The following ZSWIM4 variants were observed in gnomAD, a reference collection of about 807,000 sequenced individuals.
ZSWIM4 encodes zinc finger SWIM domain-containing protein 4.
Under a neutral mutation model 102.5 loss-of-function variants are expected in ZSWIM4, and 62 were observed. That is an observed-to-expected ratio of 0.60 (90% CI 0.49 to 0.75). ZSWIM4 has a LOEUF of 0.75. ZSWIM4 is among the 30% of genes least tolerant of loss of function. The probability of loss-of-function intolerance (pLI) is 0.00; values close to 1 mark genes in which losing one functional copy is unlikely to be tolerated. For missense variants in ZSWIM4, 1,280 were observed against 1,529.6 expected, an observed-to-expected ratio of 0.84 and a Z score of 2.72; for synonymous variants, 652 against 674.5, an observed-to-expected ratio of 0.97 and a Z score of 0.52.
chr19:13,807,370 G>A (rs1034172487), intron 3 of ZSWIM4, among the ~76,000 whole-genome samples: 2 of 152,014 alleles, frequency 1.3e-5, no homozygotes, highest in Non-Finnish European at 2.9e-5. Flanking sequence ...GGTGGGGGTG[G>A]ATAAGTGGGT....
chr19:13,808,740 CA>C (rs755959483), intron 3 of ZSWIM4, 95 bp from the exon 4 acceptor site: 165,604 of 824,590 alleles, frequency 0.2, 822 homozygotes, highest in African/African-American at 0.28. Context: ...ACTCCGTCTC[CA>C]AAAAAAAAAA....
At position 13,809,947 on chromosome 19, in the gene ZSWIM4, G is replaced by A. The variant is rs955531578; in HGVS notation, c.1012+727G>A. The stretch of plus-strand genomic sequence containing the variant: ...GCTGGGATGACAGGCATGAGCCACT[G>A]TACCAAGCTGACATATTTTTGTTTG... On this transcript the variant is annotated intron_variant, in intron 5 of 13. Transcript: ENST00000590508. This position sits in a 1 kb window ranked among gnomAD's most constrained non-coding sequence, Gnocchi z 4.2. Among the ~76,000 whole-genome samples the A allele has an allele frequency of 6.6e-6, 1 of 151,504 alleles. No individual in the cohort carries two copies. Among genetic ancestry groups the A allele is most frequent in the Non-Finnish European group, 1.5e-5 (1 of 67,862 alleles).
chr19:13,799,729 CG>C lies in ZSWIM4; in HGVS notation c.165del (p.Phe56SerfsTer67). ...CTGGCCCTTCCTACAGGTGGAGGAG[CG>C]GTTCTCCCGGGTGCCTGAGCCCGTC... ...ESWAFEQVEE[R>X]FSRVPEPVQK... On this transcript the variant is annotated frameshift_variant, in exon 2 of 14. Transcript: ENST00000590508. LOFTEE classifies it high-confidence loss of function. 1 of 1,613,966 alleles carries C rather than the reference CG, an allele frequency of 6.2e-7. No individual in the cohort carries two copies. The highest frequency in any genetic ancestry group is 8.5e-7 in the Non-Finnish European group (1 of 1,179,970).
chr19:13,808,352 T>C (rs768137955), intron 3 of ZSWIM4, among the ~76,000 whole-genome samples: 1 of 151,622 alleles, frequency 6.6e-6, no homozygotes, highest in Non-Finnish European at 1.5e-5. Context: ...TAAACATGAA[T>C]AGATGGTCGG....
intron 3 of ZSWIM4, among the ~76,000 whole-genome samples, chr19:13,807,754 C>CATGG (rs368459784): frequency 0.19 from 25,733 of 139,094 alleles, 2,335 homozygotes; most frequent in Non-Finnish European, 0.21. Context: ...TGGATGGATG[C>CATGG]ATGGATGGAT....
chr19:13,797,955 A>T (rs1170039072), intron 1 of ZSWIM4, among the ~76,000 whole-genome samples: 1 of 152,122 alleles, frequency 6.6e-6, no homozygotes, highest in Non-Finnish European at 1.5e-5. Context: ...CCGCACCCGG[A>T]CGTATCTTAT....
intron 13 of ZSWIM4, among the ~76,000 whole-genome samples, chr19:13,829,735 G>A (rs1975705558): frequency 6.6e-6 from 1 of 151,972 alleles, no homozygotes. Context: ...TGAGGCAGGA[G>A]AATGGCGTGA....
chr19:13,830,660 C>G lies in ZSWIM4; in HGVS notation c.2931C>G (p.His977Gln). 6.2e-7 allele frequency: 1 copy of G among 1,603,054 alleles called. No individual in the cohort carries two copies. Among genetic ancestry groups the G allele is most frequent in the Non-Finnish European group, 8.5e-7 (1 of 1,179,680 alleles). ...ACSLSHSLGRHELSAIVPLII... is the reference protein window; with the variant it reads ...ACSLSHSLGRQELSAIVPLII... ...CTCTCAGCCACTCCCTGGGCCGGCA[C>G]GAGCTCTCTGCCATCGTCCCCCTCA... The change falls in exon 14 of 14, where the codon CAC (histidine) becomes CAG (glutamine). Residue 977 changes from histidine (H) to glutamine (Q), a missense_variant. Physicochemically the swap from His to Gln is conservative, Grantham distance 24 (BLOSUM62 0). Coordinates refer to ENST00000590508, the MANE Select transcript of ZSWIM4 (RefSeq NM_001367834.3).
intron 2 of ZSWIM4, among the ~76,000 whole-genome samples, chr19:13,802,305 G>A (rs1337579149): frequency 3.4e-5 from 5 of 148,654 alleles, no homozygotes; most frequent in African/African-American, 1.3e-4. Flanking sequence ...ATAGAGTCTC[G>A]GCCGGGCACA....
intron 2 of ZSWIM4, among the ~76,000 whole-genome samples, chr19:13,802,337 A>G (rs1208674367): frequency 1.3e-5 from 2 of 148,652 alleles, no homozygotes; most frequent in African/African-American, 2.5e-5. Context: ...CTGTAATCCC[A>G]GCACTTTGGG....
chr19:13,803,548 G>A (rs1022144097), intron 2 of ZSWIM4, among the ~76,000 whole-genome samples: 6 of 151,366 alleles, frequency 4.0e-5, no homozygotes, highest in African/African-American at 7.3e-5. Flanking sequence ...TTGGGAGGCC[G>A]AGGCGGGTGG....
At chr19:13,811,648 A>T (rs1383869664) in intron 5 of ZSWIM4, among the ~76,000 whole-genome samples, 1 of 152,140 alleles carries the variant, frequency 6.6e-6, no homozygotes, top group Non-Finnish European at 1.5e-5. Context: ...AGCTTAGACG[A>T]CATGATGAGA....
chr19:13,806,482 A>G (rs913192623), intron 3 of ZSWIM4, among the ~76,000 whole-genome samples: 7 of 152,004 alleles, frequency 4.6e-5, no homozygotes, highest in Admixed American at 2.0e-4. Flanking sequence ...GCCTGGGCAA[A>G]ATAGGGAGAC....
At chr19:13,829,693 T>C (rs138759117) in intron 13 of ZSWIM4, among the ~76,000 whole-genome samples, 2,856 of 151,494 alleles carry the variant, frequency 0.019, 83 homozygotes, top group African/African-American at 0.065. Context: ...GGCGTGGTGG[T>C]GGGCCCCTGT....
rs1439855921 is a variant in ZSWIM4 at position 13,795,676 on chromosome 19, C to T, written c.28C>T (p.Arg10Trp). The T allele has an allele frequency of 3.0e-6, 3 of 1,005,236 alleles. No individual in the cohort carries two copies. The highest frequency in any genetic ancestry group is 3.8e-6 in the Non-Finnish European group (3 of 793,752). The allele number at this position is 1,005,236 out of a possible 1,614,324, so 62.3% of individuals were successfully genotyped here. Reference sequence around the variant, plus strand: ...GGAACCCCCCGCGGCCAAGCGGAGCCGGGGCTGCCCCGCGGGACCCGAGGA... The same window carrying T: ...GGAACCCCCCGCGGCCAAGCGGAGCTGGGGCTGCCCCGCGGGACCCGAGGA... MEPPAAKRS[R>W]GCPAGPEERD... The change falls in exon 1 of 14, where the codon CGG becomes TGG. Residue 10 changes from arginine to tryptophan, a missense_variant. Physicochemically the swap from Arg to Trp is moderately radical, Grantham distance 101. Coordinates refer to ENST00000590508, the MANE Select transcript of ZSWIM4 (RefSeq NM_001367834.3).
intron 11 of ZSWIM4, among the ~76,000 whole-genome samples, chr19:13,823,953 C>T (rs1249114521): frequency 6.6e-6 from 1 of 152,116 alleles, no homozygotes; most frequent in Non-Finnish European, 1.5e-5. Context: ...GTATGGCTAG[C>T]TCCTGGTGAG....
intron 7 of ZSWIM4, 48 bp downstream of exon 7, chr19:13,814,913 T>C (rs1258505250): frequency 2.7e-6 from 3 of 1,125,202 alleles, no homozygotes; most frequent in South Asian, 1.6e-5. Context: ...TCCCAGCACA[T>C]TGGGAGTCCG....
chr19:13,825,705 G>A lies in ZSWIM4; in HGVS notation c.2371G>A (p.Gly791Arg), dbSNP rs1353268766. Residue 791 changes from glycine to arginine, a missense_variant, in exon 12 of 14, where the codon GGG becomes AGG. By Grantham distance (125) the Gly-to-Arg change is moderately radical. Coordinates refer to ENST00000590508, the MANE Select transcript of ZSWIM4 (RefSeq NM_001367834.3). The surrounding 1 kb of genome is among the most constrained non-coding windows in gnomAD (Gnocchi z 4.6). ...TTLLGIALEL[G>R]LQVMRMTLNV... ...GCTGCTGGGCATCGCACTGGAGCTG[G>A]GGCTGCAGGTGAGGGCTGCCAGGTG... is the stretch of plus-strand genomic sequence containing the variant. 1 of 1,609,068 alleles carries A rather than the reference G, an allele frequency of 6.2e-7. No individual in the cohort carries two copies. Among genetic ancestry groups the A allele is most frequent in the Non-Finnish European group, 8.5e-7 (1 of 1,179,460 alleles).
At position 13,830,971 on chromosome 19, in the gene ZSWIM4, C is replaced by A; in HGVS notation, c.3242C>A (p.Ser1081Ter). The A allele has an allele frequency of 1.9e-6, 3 of 1,613,970 alleles. No individual in the cohort carries two copies. Among genetic ancestry groups the A allele is most frequent in the Non-Finnish European group, 2.5e-6 (3 of 1,179,978 alleles). Residue 1081 changes from serine (S) to a stop codon, truncating the protein, a stop_gained, in exon 14 of 14, where the codon TCA becomes TAA. Transcript: ENST00000590508. LOFTEE classifies it high-confidence loss of function. Reference sequence around the variant, plus strand: ...GCGCCCGACGGGCACCTCCAGTTCTCACAGTTCTTGGAGAACCTCAAACAG... The same window carrying A: ...GCGCCCGACGGGCACCTCCAGTTCTAACAGTTCTTGGAGAACCTCAAACAG... ...LLAPDGHLQF[S>*]QFLENLKQTY...
Sources: gnomAD v4.1 joint callset for allele counts (sites outside exome capture counted in the v4.1 genomes callset) on GRCh38, gnomAD v4.1.1 for gene constraint, Gnocchi (gnomAD v3.1) non-coding constraint, MANE v1.5 for transcripts, NCBI Gene and HGNC (gene_info 2026-07-23, HGNC 2026-07-21) for gene names.